The following CAB39L variants were observed in gnomAD, a reference collection of about 807,000 sequenced individuals.
CAB39L encodes calcium binding protein 39 like.
CAB39L carries 23 observed loss-of-function variants against 39.1 expected under a neutral mutation model. The ratio of observed to expected loss-of-function variants is 0.59; its 90% CI spans 0.42 to 0.83. CAB39L has a LOEUF of 0.83. Among genes scored for constraint, CAB39L ranks in the 40% least tolerant of loss-of-function variants. The pLI, the probability that CAB39L is intolerant of heterozygous loss-of-function variation, is 0.00. For missense variants in CAB39L, 366 were observed against 391.9 expected (o/e 0.93, Z 0.56); for synonymous variants, 126 against 137.2 (o/e 0.92, Z 0.57).
chr13:49,411,983 C>A (rs1156554767), intron 3 of CAB39L, among the ~76,000 whole-genome samples: 4 of 152,122 alleles, frequency 2.6e-5, no homozygotes, highest in Non-Finnish European at 5.9e-5. Flanking sequence ...GCCTAGCCCA[C>A]TGCCACTGGA....
chr13:49,365,694 G>A (rs112134146), intron 5 of CAB39L, among the ~76,000 whole-genome samples: 93 of 152,308 alleles, frequency 6.1e-4, no homozygotes, highest in African/African-American at 2.2e-3. Context: ...TATGCTGTTG[G>A]TAGGAATGTA....
At chr13:49,371,902 A>AT (rs1047045851) in intron 5 of CAB39L, among the ~76,000 whole-genome samples, 9 of 151,822 alleles carry the variant, frequency 5.9e-5, no homozygotes, top group Admixed American at 4.6e-4. Flanking sequence ...TGTTTTGCTA[A>AT]TTTTTTTTAA....
At chr13:49,438,657 G>A (rs534599387) in intron 1 of CAB39L, among the ~76,000 whole-genome samples, 2 of 152,288 alleles carry the variant, frequency 1.3e-5, no homozygotes, top group South Asian at 4.1e-4. Context: ...AATCCAATCT[G>A]ATTTTCTTTG....
At chr13:49,351,426 C>T (rs1339643390) in intron 6 of CAB39L, among the ~76,000 whole-genome samples, 1 of 151,988 alleles carries the variant, frequency 6.6e-6, no homozygotes, top group East Asian at 1.9e-4. Flanking sequence ...AGGAATAAAG[C>T]CTGTGTGATT....
chr13:49,342,970 C>T (rs1367386605), intron 8 of CAB39L, among the ~76,000 whole-genome samples: 1 of 152,024 alleles, frequency 6.6e-6, no homozygotes, highest in Non-Finnish European at 1.5e-5. Context: ...AAATTAATTT[C>T]ACCTGTTTCT....
At chr13:49,332,261 ATTG>A in intron 9 of CAB39L, among the ~76,000 whole-genome samples, 171 bp from the exon 10 acceptor site, 1 of 152,250 alleles carries the variant, frequency 6.6e-6, no homozygotes, top group Non-Finnish European at 1.5e-5. Context: ...AGCAATAGTT[ATTG>A]AGCAATTTTT....
chr13:49,431,134 T>A (rs910063029), intron 3 of CAB39L, among the ~76,000 whole-genome samples: 5 of 152,228 alleles, frequency 3.3e-5, no homozygotes, highest in African/African-American at 1.2e-4. Context: ...TCCTAAATCT[T>A]TCCTGTCCCT....
In CAB39L at chr13:49,310,923, A is replaced by G. The variant is rs141087677; in HGVS notation, c.905T>C (p.Ile302Thr). The part of the protein sequence containing the change: ...EILLKNQPKL[I>T]EFLSSFQKER... ...TTTTTGGAAGCTGCTCAGAAACTCA[A>G]TGAGTTTGGGCTGATTTTTTAACAG... is the stretch of plus-strand genomic sequence containing the variant. Residue 302 changes from isoleucine to threonine, a missense_variant, in exon 11 of 11, where the codon ATT (isoleucine) becomes ACT (threonine). Transcript: ENST00000409308. 6.3e-5 allele frequency: 102 copies of G among 1,613,884 alleles called. 1 individual carries two copies. The highest frequency in any genetic ancestry group is 1.6e-4 in the Middle Eastern group (1 of 6,082).
chr13:49,310,841 G>A lies in CAB39L; in HGVS notation c.987C>T (p.Ile329=). The change falls in exon 11 of 11, where the codon ATC becomes ATT. Residue 329 remains isoleucine, a synonymous_variant. Transcript: ENST00000409308. ...AAGGGGCCGTTTTCTTCAAGTCTCG[G>A]ATCTGTTTAATCAAGTAGTTCTTCT... is the stretch of plus-strand genomic sequence containing the variant. ...ADEKNYLIKQ[I]RDLKKTAP 6.2e-7 allele frequency: 1 copy of A among 1,614,100 alleles called. No homozygotes were observed. Among genetic ancestry groups the A allele is most frequent in the Non-Finnish European group, 8.5e-7 (1 of 1,180,024 alleles).
At chr13:49,432,747 T>C (rs1373521706) in intron 3 of CAB39L, among the ~76,000 whole-genome samples, 1 of 152,162 alleles carries the variant, frequency 6.6e-6, no homozygotes, top group African/African-American at 2.4e-5. Flanking sequence ...TTTTAGAAAC[T>C]GTAAAAATTG....
chr13:49,351,519 C>T (rs1202631053), intron 6 of CAB39L, among the ~76,000 whole-genome samples: 1 of 152,174 alleles, frequency 6.6e-6, no homozygotes. Context: ...AGATCAGATA[C>T]AGCTTTGTCA....
intron 7 of CAB39L, among the ~76,000 whole-genome samples, chr13:49,345,053 T>C (rs1955107937): frequency 6.6e-6 from 1 of 152,216 alleles, no homozygotes; most frequent in Non-Finnish European, 1.5e-5. Context: ...TAACTCACTT[T>C]AATGTTGTAG....
At chr13:49,321,021 A>C (rs1954322651) in intron 10 of CAB39L, among the ~76,000 whole-genome samples, 1 of 151,788 alleles carries the variant, frequency 6.6e-6, no homozygotes, top group East Asian at 1.9e-4. Flanking sequence ...TGCTCTAAAA[A>C]CCTCTAGAAT....
intron 9 of CAB39L, among the ~76,000 whole-genome samples, chr13:49,339,162 C>T (rs576183858): frequency 3.0e-4 from 39 of 131,424 alleles, no homozygotes; most frequent in Admixed American, 7.5e-4. Context: ...TGGAGTTCCG[C>T]TCTTGTTGCC....
At chr13:49,441,592 A>G (rs935978556) in intron 1 of CAB39L, among the ~76,000 whole-genome samples, 5 of 152,170 alleles carry the variant, frequency 3.3e-5, no homozygotes, top group African/African-American at 1.2e-4. Context: ...GGAGGTTCCT[A>G]TGTTACACTG....
intron 5 of CAB39L, among the ~76,000 whole-genome samples, chr13:49,361,032 T>C (rs1955614729): frequency 6.6e-6 from 1 of 152,148 alleles, no homozygotes; most frequent in Non-Finnish European, 1.5e-5. Context: ...CTGGCCTTCA[T>C]CTCTCAACTA....
At chr13:49,339,854 A>G (rs2138423843) in intron 8 of CAB39L, 112 bp from the exon 9 acceptor site, 2 of 1,235,550 alleles carry the variant, frequency 1.6e-6, no homozygotes, top group Non-Finnish European at 2.1e-6. Flanking sequence ...CCATTTTACC[A>G]TCCTTCTTTA....
At chr13:49,413,287 GGAGT>G (rs1957028212) in intron 3 of CAB39L, among the ~76,000 whole-genome samples, 1 of 152,102 alleles carries the variant, frequency 6.6e-6, no homozygotes, top group African/African-American at 2.4e-5. Context: ...GGAAAGAAAA[GGAGT>G]AAGTGAAAGA....
intron 5 of CAB39L, among the ~76,000 whole-genome samples, chr13:49,364,958 A>C (rs151272286): frequency 6.6e-6 from 1 of 152,212 alleles, no homozygotes; most frequent in African/African-American, 2.4e-5. Context: ...TAAAATTTAC[A>C]TGGAACCACA....
Sources: gnomAD v4.1 joint callset for allele counts (sites outside exome capture counted in the v4.1 genomes callset) on GRCh38, gnomAD v4.1.1 for gene constraint, MANE v1.5 for transcripts, NCBI Gene and HGNC (gene_info 2026-07-23, HGNC 2026-07-21) for gene names.